ERAP1: variants seen among roughly 807,000 people sequenced by gnomAD.
ERAP1 encodes the protein adipocyte-derived leucine aminopeptidase.
Under a neutral mutation model 103.7 loss-of-function variants are expected in ERAP1, and 86 were observed. That is an observed-to-expected ratio of 0.83 (90% CI 0.70 to 0.99). ERAP1 has a LOEUF of 0.99. Among genes scored for constraint, ERAP1 ranks in the 50% least tolerant of loss-of-function variants. ERAP1 has a pLI of 0.00. For synonymous variants in ERAP1, 398 were observed against 402.4 expected, an observed-to-expected ratio of 0.99 and a Z score of 0.13; for missense variants, 1,009 against 1,128.4, an observed-to-expected ratio of 0.89 and a Z score of 1.52.
At chr5:96,929,465 TTCC>T in the ERAP1 span, among the ~76,000 whole-genome samples, 1 of 127,112 alleles carries the variant, frequency 7.9e-6, no homozygotes, top group African/African-American at 2.8e-5. Flanking sequence ...CCTTCCTTCC[TTCC>T]TTTTTTTTCT....
chr5:96,856,091 C>T, the ERAP1 span, among the ~76,000 whole-genome samples: 4 of 151,324 alleles, frequency 2.6e-5, no homozygotes, highest in East Asian at 3.9e-4. Context: ...GAGGCCCAGG[C>T]GGGCAGATTA....
intron 11 of ERAP1, among the ~76,000 whole-genome samples, chr5:96,787,385 C>T (rs246456): frequency 0.62 from 94,624 of 151,712 alleles, 29,710 homozygotes; most frequent in Non-Finnish European, 0.66. Context: ...CCTGCCTCAC[C>T]CTCCTGAGTA....
At chr5:96,931,342 A>C in the ERAP1 span, among the ~76,000 whole-genome samples, 1 of 152,058 alleles carries the variant, frequency 6.6e-6, no homozygotes, top group Non-Finnish European at 1.5e-5. Flanking sequence ...TTTTTTGTAG[A>C]AATGAGGTCT....
At chr5:96,901,776 A>C in the ERAP1 span, 2 of 1,255,392 alleles carry the variant, frequency 1.6e-6, no homozygotes, top group Non-Finnish European at 2.2e-6. Flanking sequence ...ACTTTGTAGG[A>C]TGCTAGTTCC....
chr5:96,790,376 C>G lies in ERAP1; in HGVS notation c.1453-9G>C, dbSNP rs769323909. 1.2e-6 allele frequency: 2 copies of G among 1,613,478 alleles called. No homozygotes were observed. Among genetic ancestry groups the G allele is most frequent in the Admixed American group, 1.7e-5 (1 of 59,992 alleles). ...CCATCTGTAGGGCAAATCTAAAAACCAAAAATAAACACATCACTCTTATTT... is the reference window on the plus strand; with the variant it reads ...CCATCTGTAGGGCAAATCTAAAAACGAAAAATAAACACATCACTCTTATTT... On this transcript the variant is annotated splice_polypyrimidine_tract_variant and intron_variant, in intron 9 of 18. Coordinates refer to ENST00000443439, the MANE Select transcript of ERAP1 (RefSeq NM_001040458.3).
chr5:96,891,369 G>GTATATATATATGTGTGTGTATATATATA, the ERAP1 span, among the ~76,000 whole-genome samples: 4 of 34,354 alleles, frequency 1.2e-4, no homozygotes, highest in Non-Finnish European at 2.7e-4. Flanking sequence ...ATATATATAT[G>GTATATATATATGTGTGTGTATATATATA]TGTATATATA....
intron 1 of ERAP1, among the ~76,000 whole-genome samples, chr5:96,807,567 A>G (rs1561298456): frequency 6.6e-6 from 1 of 152,114 alleles, no homozygotes; most frequent in Non-Finnish European, 1.5e-5. Context: ...CCGGAGGGAC[A>G]GGGACAGGGA....
chr5:96,803,278 A>G, intron 2 of ERAP1, 125 bp downstream of exon 2: 1 of 939,954 alleles, frequency 1.1e-6, no homozygotes, highest in Non-Finnish European at 1.6e-6. Flanking sequence ...TATAAAGAAG[A>G]TGCAAAAGCA....
At chr5:96,856,576 G>A in the ERAP1 span, among the ~76,000 whole-genome samples, 1 of 151,958 alleles carries the variant, frequency 6.6e-6, no homozygotes, top group African/African-American at 2.4e-5. Flanking sequence ...TGGAGCTAGA[G>A]CTAGTTCACT....
chr5:96,841,558 A>G, the ERAP1 span, among the ~76,000 whole-genome samples: 11 of 152,172 alleles, frequency 7.2e-5, no homozygotes, highest in African/African-American at 2.7e-4. Context: ...AATGCCCACA[A>G]GCATGGAAAT....
At chr5:96,840,626 T>C in the ERAP1 span, among the ~76,000 whole-genome samples, 7 of 152,336 alleles carry the variant, frequency 4.6e-5, no homozygotes, top group Non-Finnish European at 4.4e-5. Context: ...TAGAGTTACC[T>C]GAGTGCTTAA....
intron 10 of ERAP1, among the ~76,000 whole-genome samples, chr5:96,789,911 A>G (rs182711232): frequency 5.1e-4 from 77 of 152,380 alleles, no homozygotes; most frequent in African/African-American, 1.7e-3. Context: ...TGCCTGACAC[A>G]TGACAAGTAT....
intron 19 of ERAP1, among the ~76,000 whole-genome samples, chr5:96,764,234 A>G (rs1043107560): frequency 1.3e-5 from 2 of 152,170 alleles, no homozygotes; most frequent in African/African-American, 4.8e-5. Flanking sequence ...CTAACATACA[A>G]CTAGTATTGT....
chr5:96,806,747 A>T (rs1778647847), intron 1 of ERAP1, among the ~76,000 whole-genome samples: 1 of 150,258 alleles, frequency 6.7e-6, no homozygotes, highest in Non-Finnish European at 1.5e-5. Flanking sequence ...GCACTATAGT[A>T]TATGAAATAG....
the ERAP1 span, chr5:96,889,369 C>T: frequency 6.5e-7 from 1 of 1,543,786 alleles, no homozygotes. Flanking sequence ...GATCTCTTCC[C>T]TCTTTCTCTT....
At chr5:96,911,911 C>T in the ERAP1 span, among the ~76,000 whole-genome samples, 2 of 137,612 alleles carry the variant, frequency 1.5e-5, no homozygotes, top group East Asian at 2.1e-4. Context: ...AAAAAATGGC[C>T]GGGCGCGGTG....
At chr5:96,925,296 G>C in the ERAP1 span, among the ~76,000 whole-genome samples, 1 of 152,134 alleles carries the variant, frequency 6.6e-6, no homozygotes, top group African/African-American at 2.4e-5. Context: ...ACTCTGTGAG[G>C]GTACTTGTCC....
chr5:96,901,318 T>C, the ERAP1 span, among the ~76,000 whole-genome samples: 1 of 152,192 alleles, frequency 6.6e-6, no homozygotes, highest in Non-Finnish European at 1.5e-5. Flanking sequence ...TTCAAGTAAT[T>C]TGCAGAGAGC....
chr5:96,881,957 A>G, the ERAP1 span, among the ~76,000 whole-genome samples: 1 of 140,774 alleles, frequency 7.1e-6, no homozygotes, highest in African/African-American at 2.7e-5. Context: ...TCAGGATTCC[A>G]CTGGAACCAA....
Sources: gnomAD v4.1 joint callset for allele counts (sites outside exome capture counted in the v4.1 genomes callset) on GRCh38, gnomAD v4.1.1 for gene constraint, MANE v1.5 for transcripts, NCBI Gene and HGNC (gene_info 2026-07-23, HGNC 2026-07-21) for gene names.